The following BRI3 variants were observed in gnomAD, a reference collection of about 807,000 sequenced individuals.
BRI3 encodes the protein brain protein I3.
BRI3 carries 6 observed loss-of-function variants against 12.8 expected under a neutral mutation model. That is an observed-to-expected ratio of 0.47 (90% CI 0.26 to 0.93). The LOEUF (loss-of-function observed/expected upper bound fraction) is 0.93, where lower values mean the gene tolerates loss of function less well. Ranked by LOEUF, BRI3 falls within the 40% of genes least tolerant of loss-of-function variation. The probability of loss-of-function intolerance (pLI) is 0.15; values close to 1 mark genes in which losing one functional copy is unlikely to be tolerated. For synonymous variants in BRI3, 91 were observed against 76.1 expected, an observed-to-expected ratio of 1.20 and a Z score of -1.02; for missense variants, 134 against 171.1, an observed-to-expected ratio of 0.78 and a Z score of 1.21.
At chr7:98,315,543 G>C in the BRI3 span, 1 of 1,519,024 alleles carries the variant, frequency 6.6e-7, no homozygotes. Flanking sequence ...TCTTCAAGCA[G>C]AGCCTCTTTG....
chr7:98,320,978 T>G, the BRI3 span, among the ~76,000 whole-genome samples: 2 of 152,272 alleles, frequency 1.3e-5, no homozygotes, highest in Non-Finnish European at 2.9e-5. Context: ...CACCTCAGCC[T>G]CCCGAGTAGC....
upstream of BRI3, among the ~76,000 whole-genome samples, chr7:98,303,453 C>T (rs1018764777): frequency 1.6e-4 from 25 of 152,214 alleles, no homozygotes; most frequent in Admixed American, 5.2e-4. Flanking sequence ...TGTCCAGCCG[C>T]GCTGCTCCCC....
At chr7:98,292,451 G>C (rs1800006860), downstream of BRI3, 1 of 603,824 alleles carries the variant, frequency 1.7e-6, no homozygotes, top group Non-Finnish European at 2.9e-6. Context: ...TGGGATTCCC[G>C]TACCTGGGCC....
At chr7:98,290,296 C>T (rs1273222990) in intron 2 of BRI3, among the ~76,000 whole-genome samples, 5 of 149,934 alleles carry the variant, frequency 3.3e-5, no homozygotes, top group South Asian at 2.2e-4. Context: ...CCTGGGTTCA[C>T]GCCATTCTCC....
chr7:98,305,041 T>G (rs1443847069), upstream of BRI3, among the ~76,000 whole-genome samples: 1 of 115,024 alleles, frequency 8.7e-6, no homozygotes, highest in Admixed American at 9.3e-5. Context: ...AATTTTTTTG[T>G]TTTTTGTTTT....
chr7:98,302,117 TC>T (rs1347058563), upstream of BRI3, among the ~76,000 whole-genome samples: 1 of 152,136 alleles, frequency 6.6e-6, no homozygotes, highest in Non-Finnish European at 1.5e-5. Flanking sequence ...ACCTTTCCAC[TC>T]CCCAGTGCTA....
chr7:98,307,509 G>A, intron 1 of BRI3: 1 of 1,443,814 alleles, frequency 6.9e-7, no homozygotes, highest in Non-Finnish European at 9.1e-7. Flanking sequence ...ATCTCTACAT[G>A]CACAGACATA....
chr7:98,284,858 C>T (rs1192338051), intron 2 of BRI3, among the ~76,000 whole-genome samples: 1 of 152,180 alleles, frequency 6.6e-6, no homozygotes, highest in African/African-American at 2.4e-5. Context: ...CCTGCCCTGC[C>T]CTGCCCTGCC....
downstream of BRI3, chr7:98,293,633 T>C: frequency 1.3e-6 from 2 of 1,587,110 alleles, no homozygotes; most frequent in Non-Finnish European, 1.7e-6. Flanking sequence ...GAACTTCTGC[T>C]CTACGAGGGA....
At chr7:98,298,510 G>A (rs887913563) in intron 1 of BRI3, among the ~76,000 whole-genome samples, 1 of 152,040 alleles carries the variant, frequency 6.6e-6, no homozygotes, top group Non-Finnish European at 1.5e-5. Flanking sequence ...CTACTCGGGA[G>A]GCTGAGGCAG....
chr7:98,293,565 G>T, downstream of BRI3: 1 of 1,613,922 alleles, frequency 6.2e-7, no homozygotes, highest in Non-Finnish European at 8.5e-7. Context: ...ACAGTCGGGC[G>T]GAGTTTCACA....
rs560017350 is a variant in BRI3, at chr7:98,284,346, C to T, written c.245+1893C>T. ...ATGCTGGAGAGTGGCTCTGGCTCCC[C>T]GAGGCTTTGCCTCTGCAGCTGCATT... On this transcript the variant is annotated intron_variant, in intron 2 of 2. Coordinates refer to ENST00000297290, the MANE Select transcript of BRI3 (RefSeq NM_015379.5). Among the ~76,000 whole-genome samples, 17 of 152,322 alleles carry T rather than the reference C, an allele frequency of 1.1e-4. No individual in the cohort carries two copies. The East Asian group carries it at 2.7e-3, about 24-fold the overall frequency.
At chr7:98,295,378 G>A (rs1388542824), downstream of BRI3, among the ~76,000 whole-genome samples, 1 of 152,188 alleles carries the variant, frequency 6.6e-6, no homozygotes, top group African/African-American at 2.4e-5. Flanking sequence ...CCACTGACCT[G>A]CCTTGCACAT....
At chr7:98,318,531 G>A in the BRI3 span, among the ~76,000 whole-genome samples, 1 of 151,762 alleles carries the variant, frequency 6.6e-6, no homozygotes, top group East Asian at 2.0e-4. Flanking sequence ...CACCCGCCTT[G>A]GCCTCCCAAA....
intron 1 of BRI3, among the ~76,000 whole-genome samples, chr7:98,300,149 G>A (rs1800361395): frequency 6.6e-6 from 1 of 152,214 alleles, no homozygotes; most frequent in Admixed American, 6.6e-5. Context: ...CTGCTGGACT[G>A]GGCAGGGAAC....
intron 2 of BRI3, among the ~76,000 whole-genome samples, chr7:98,288,790 G>GTTGGAGGGGGGA (rs1554407364): frequency 3.3e-5 from 5 of 151,662 alleles, no homozygotes; most frequent in Non-Finnish European, 5.9e-5. Flanking sequence ...TTGTAGGGAG[G>GTTGGAGGGGGGA]GGTCTTTGTT....
At chr7:98,286,914 G>A (rs1456476944) in intron 2 of BRI3, among the ~76,000 whole-genome samples, 1 of 152,228 alleles carries the variant, frequency 6.6e-6, no homozygotes, top group Non-Finnish European at 1.5e-5. Context: ...TGCCTTCAGC[G>A]CCTCTTGGCG....
chr7:98,293,632 C>T, downstream of BRI3: 1 of 1,589,278 alleles, frequency 6.3e-7, no homozygotes, highest in South Asian at 1.1e-5. Flanking sequence ...AGAACTTCTG[C>T]TCTACGAGGG....
the BRI3 span, chr7:98,317,400 G>T: frequency 6.2e-7 from 1 of 1,606,202 alleles, no homozygotes. Flanking sequence ...GGCACCACAC[G>T]AATTGTCACA....
Sources: gnomAD v4.1 joint callset for allele counts (sites outside exome capture counted in the v4.1 genomes callset) on GRCh38, gnomAD v4.1.1 for gene constraint, MANE v1.5 for transcripts, NCBI Gene and HGNC (gene_info 2026-07-23, HGNC 2026-07-21) for gene names.